The following MAN1C1 variants were observed in gnomAD, a reference collection of about 807,000 sequenced individuals.
MAN1C1 encodes mannosyl-oligosaccharide 1,2-alpha-mannosidase IC.
In MAN1C1, 49 loss-of-function variants were observed where a neutral mutation model predicts 71.5. That is an observed-to-expected ratio of 0.69 (90% CI 0.54 to 0.87). The LOEUF (loss-of-function observed/expected upper bound fraction) is 0.87, where lower values mean the gene tolerates loss of function less well. Ranked by LOEUF, MAN1C1 falls within the 40% of genes least tolerant of loss-of-function variation. MAN1C1 has a pLI of 0.00. For synonymous variants in MAN1C1, 352 were observed against 343.7 expected (o/e 1.02, Z -0.27); for missense variants, 743 against 835.0 (o/e 0.89, Z 1.36).
intron 2 of MAN1C1, among the ~76,000 whole-genome samples, chr1:25,743,864 G>A (rs992432171): frequency 2.6e-5 from 4 of 152,208 alleles, no homozygotes; most frequent in Non-Finnish European, 4.4e-5. Context: ...CTCTTGATCC[G>A]TAACTGATCA....
intron 1 of MAN1C1, among the ~76,000 whole-genome samples, chr1:25,648,258 T>C (rs1438790780): frequency 6.6e-6 from 1 of 152,078 alleles, no homozygotes; most frequent in Non-Finnish European, 1.5e-5. Context: ...AGAAAAGGAG[T>C]GGCTTTAAGT....
intron 1 of MAN1C1, among the ~76,000 whole-genome samples, chr1:25,670,407 T>A (rs758730220): frequency 1.3e-5 from 2 of 152,232 alleles, no homozygotes; most frequent in Non-Finnish European, 2.9e-5. Context: ...AAAGAACTGG[T>A]TCCGCCTCTT....
At chr1:25,675,629 A>G (rs1313360290) in intron 1 of MAN1C1, among the ~76,000 whole-genome samples, 1 of 151,774 alleles carries the variant, frequency 6.6e-6, no homozygotes, top group African/African-American at 2.4e-5. Flanking sequence ...TGCTGGATCA[A>G]ATGATAGTTC....
chr1:25,755,158 A>G (rs1265857936), intron 5 of MAN1C1, among the ~76,000 whole-genome samples: 3 of 152,192 alleles, frequency 2.0e-5, no homozygotes, highest in Non-Finnish European at 4.4e-5. Flanking sequence ...CAGGGTGGGA[A>G]GGACCCTGAG....
chr1:25,660,594 G>A (rs114665466), intron 1 of MAN1C1, among the ~76,000 whole-genome samples: 3,326 of 149,604 alleles, frequency 0.022, 72 homozygotes, highest in Non-Finnish European at 0.033. Context: ...GGGTTTCACC[G>A]CATTAGCCCA....
chr1:25,724,566 A>T (rs1056263355), intron 2 of MAN1C1, among the ~76,000 whole-genome samples: 3 of 152,128 alleles, frequency 2.0e-5, no homozygotes, highest in Non-Finnish European at 4.4e-5. Flanking sequence ...CATTGGCTGA[A>T]GTTAGCCACA....
At chr1:25,717,532 G>T (rs1344872100) in intron 2 of MAN1C1, among the ~76,000 whole-genome samples, 2 of 151,276 alleles carry the variant, frequency 1.3e-5, no homozygotes, top group African/African-American at 2.4e-5. Flanking sequence ...CAAAAACAGA[G>T]AATTTGCCAA....
chr1:25,690,580 T>C (rs1186750961), intron 2 of MAN1C1, among the ~76,000 whole-genome samples: 1 of 152,238 alleles, frequency 6.6e-6, no homozygotes, highest in Non-Finnish European at 1.5e-5. Context: ...CATGAGCCAC[T>C]GCGCCCGGCG....
chr1:25,722,039 C>T (rs1315607078), intron 2 of MAN1C1, among the ~76,000 whole-genome samples: 4 of 152,176 alleles, frequency 2.6e-5, no homozygotes, highest in African/African-American at 4.8e-5. Flanking sequence ...CACGCTTAAT[C>T]GATAATTAGG....
intron 7 of MAN1C1, among the ~76,000 whole-genome samples, chr1:25,768,368 TCCCCCCACACACA>T (rs2047484999): frequency 3.1e-5 from 1 of 32,230 alleles, no homozygotes; most frequent in African/African-American, 1.3e-4. Context: ...TTACATACAC[TCCCCCCACACACA>T]CTCCCCTCAC....
intron 1 of MAN1C1, among the ~76,000 whole-genome samples, chr1:25,649,979 A>G (rs1455569888): frequency 1.3e-5 from 2 of 152,068 alleles, no homozygotes; most frequent in Admixed American, 1.3e-4. Context: ...AGGATGCTCC[A>G]TCTTGTCTGT....
At chr1:25,723,811 G>A (rs2046797899) in intron 2 of MAN1C1, among the ~76,000 whole-genome samples, 1 of 152,188 alleles carries the variant, frequency 6.6e-6, no homozygotes, top group Admixed American at 6.5e-5. Context: ...ACAGCGGGAT[G>A]TATGACTGTC....
At chr1:25,720,937 G>T (rs558121710) in intron 2 of MAN1C1, among the ~76,000 whole-genome samples, 3 of 152,260 alleles carry the variant, frequency 2.0e-5, no homozygotes, top group African/African-American at 7.2e-5. Flanking sequence ...GTTCTTTTCC[G>T]ATTGAGTTGT....
At chr1:25,757,605 G>A (rs1404586766) in intron 5 of MAN1C1, among the ~76,000 whole-genome samples, 1 of 152,190 alleles carries the variant, frequency 6.6e-6, no homozygotes, top group African/African-American at 2.4e-5. Flanking sequence ...CTAGGAGATG[G>A]AGGCTTCGCC....
intron 1 of MAN1C1, among the ~76,000 whole-genome samples, chr1:25,683,823 G>A (rs991708316): frequency 1.3e-5 from 2 of 152,158 alleles, no homozygotes; most frequent in African/African-American, 4.8e-5. Context: ...CAGCACCTAG[G>A]CTGAGCCACC....
intron 1 of MAN1C1, among the ~76,000 whole-genome samples, chr1:25,665,244 C>A (rs900670202): frequency 5.3e-5 from 8 of 152,114 alleles, no homozygotes; most frequent in African/African-American, 1.9e-4. Flanking sequence ...GGTAACGTCC[C>A]TTTGTGCCTG....
At chr1:25,738,214 C>G (rs193169520) in intron 2 of MAN1C1, among the ~76,000 whole-genome samples, 1 of 152,082 alleles carries the variant, frequency 6.6e-6, no homozygotes, top group African/African-American at 2.4e-5. Flanking sequence ...CTATGTCACC[C>G]AGGAAATAGC....
At chr1:25,738,179 A>G (rs967852096) in intron 2 of MAN1C1, among the ~76,000 whole-genome samples, 1 of 152,156 alleles carries the variant, frequency 6.6e-6, no homozygotes, top group African/African-American at 2.4e-5. Context: ...CTTTGCCTGG[A>G]AATATTCAGC....
intron 1 of MAN1C1, among the ~76,000 whole-genome samples, chr1:25,648,812 A>G (rs974102191): frequency 1.3e-5 from 2 of 152,224 alleles, no homozygotes; most frequent in African/African-American, 4.8e-5. Flanking sequence ...GTGCACACAC[A>G]AATTTAGTGA....
Sources: gnomAD v4.1 joint callset for allele counts (sites outside exome capture counted in the v4.1 genomes callset) on GRCh38, gnomAD v4.1.1 for gene constraint, MANE v1.5 for transcripts, NCBI Gene and HGNC (gene_info 2026-07-23, HGNC 2026-07-21) for gene names.